PEX26: variants seen among roughly 807,000 people sequenced by gnomAD.
PEX26 encodes the protein peroxisome assembly protein 26.
Under a neutral mutation model 31.4 loss-of-function variants are expected in PEX26, and 18 were observed. The ratio of observed to expected loss-of-function variants is 0.57; its 90% confidence interval spans 0.40 to 0.85. The LOEUF is 0.85. Ranked by LOEUF, PEX26 falls within the 40% of genes least tolerant of loss-of-function variation. The pLI is 0.00. For synonymous variants in PEX26, 176 were observed against 166.9 expected, an observed-to-expected ratio of 1.05 and a Z score of -0.42; for missense variants, 377 against 383.9, an observed-to-expected ratio of 0.98 and a Z score of 0.15.
Position 18,103,532 on chromosome 22 carries a change from A to G in PEX26, c.*15457A>G, listed in dbSNP as rs1024200654. ...TAATACTTGTCCACAAAATTTCTCT[A>G]TAATAACCGGAACATGTCATCCATG... On this transcript the variant is annotated 3_prime_UTR_variant, in exon 5 of 5. Transcript: ENST00000399744. 3 of 152,202 alleles carry G rather than the reference A, an allele frequency of 2.0e-5. 1 individual carries two copies. Among genetic ancestry groups the G allele is most frequent in the African/African-American group, 4.8e-5 (2 of 41,424 alleles). The allele number at this position is 152,202 out of a possible 1,614,324, so 9.4% of individuals were successfully genotyped here.
At chr22:18,087,720 G>A (rs999388545) in intron 4 of PEX26, among the ~76,000 whole-genome samples, 3 of 152,226 alleles carry the variant, frequency 2.0e-5, no homozygotes, top group African/African-American at 4.8e-5. Context: ...TCATTGGAGT[G>A]ATGATGGTGG....
At position 18,094,805 on chromosome 22, in the gene PEX26, A is replaced by C. The variant is rs1171508139; in HGVS notation, c.*6730A>C. ...TTTCTTCTTTTTTTTTTTGAGATGGAATCTTGCTCTTGTCACCTAGGCTGG... is the reference window on the plus strand; with the variant it reads ...TTTCTTCTTTTTTTTTTTGAGATGGCATCTTGCTCTTGTCACCTAGGCTGG... On this transcript the variant is annotated 3_prime_UTR_variant, in exon 5 of 5. Transcript: ENST00000399744. 4 of 139,454 alleles carry C rather than the reference A, an allele frequency of 2.9e-5. No homozygotes were observed. The highest frequency in any genetic ancestry group is 4.6e-5 in the Non-Finnish European group (3 of 65,308). 8.6% of individuals were successfully genotyped at this position (139,454 alleles called of 1,614,324 possible).
At chr22:18,080,486 C>T (rs149928457) in intron 2 of PEX26, among the ~76,000 whole-genome samples, 2 of 152,076 alleles carry the variant, frequency 1.3e-5, no homozygotes, top group Non-Finnish European at 2.9e-5. Context: ...CCTGCCACCA[C>T]GCCCGGCTAA....
rs1419370284 is a variant in PEX26 at position 18,078,414 on chromosome 22, G to T, written c.38G>T (p.Arg13Met). The T allele has an allele frequency of 1.9e-6, 3 of 1,593,148 alleles. No individual in the cohort carries two copies. In the Admixed American group the frequency reaches 5.3e-5, roughly 28 times the overall value. ...TCTTCGACCTCTGCAGCCCCCCTCA[G>T]GGGGCTCGGGGGACCCCTGCGCAGC... is the stretch of plus-strand genomic sequence containing the variant. Reference protein sequence around the residue: ...SDSSTSAAPLRGLGGPLRSSE... With the variant: ...SDSSTSAAPLMGLGGPLRSSE... Residue 13 changes from arginine (R) to methionine (M), a missense_variant, in exon 1 of 5, where the codon AGG becomes ATG. Coordinates refer to ENST00000399744, the MANE Select transcript of PEX26 (RefSeq NM_001127649.3).
Position 18,104,015 on chromosome 22 carries a change from T to C in PEX26, c.*15940T>C, listed in dbSNP as rs529820082. 6.6e-6 allele frequency: 1 copy of C among 152,246 alleles called. No homozygotes were observed. Among genetic ancestry groups the C allele is most frequent in the Admixed American group, 6.6e-5 (1 of 15,262 alleles). The allele number at this position is 152,246 out of a possible 1,614,324, so 9.4% of individuals were successfully genotyped here. On this transcript the variant is annotated 3_prime_UTR_variant, in exon 5 of 5. Coordinates refer to ENST00000399744, the MANE Select transcript of PEX26 (RefSeq NM_001127649.3). ...ACTGCCAGGACGTGGTCCAGAAAGA[T>C]TGGGTACTTTGCAATACTCATAGCA...
At position 18,092,449 on chromosome 22, in the gene PEX26, G is replaced by A. The variant is rs1018993215; in HGVS notation, c.*4374G>A. Reference sequence around the variant, plus strand: ...CTGCATTCCTCCAGCGGTGGTGTACGGATCCAGACATTGTTTGCCACCTCT... The same window carrying A: ...CTGCATTCCTCCAGCGGTGGTGTACAGATCCAGACATTGTTTGCCACCTCT... On this transcript the variant is annotated 3_prime_UTR_variant, in exon 5 of 5. Coordinates refer to ENST00000399744, the MANE Select transcript of PEX26 (RefSeq NM_001127649.3). 2.0e-5 allele frequency: 3 copies of A among 152,230 alleles called. No homozygotes were observed. The highest frequency in any genetic ancestry group is 6.5e-5 in the Admixed American group (1 of 15,280). The allele number at this position is 152,230 out of a possible 1,614,324, so 9.4% of individuals were successfully genotyped here. A position where few individuals can be genotyped will look rare whatever the true frequency, so the allele number is the denominator to read the frequency against.
In PEX26 at chr22:18,099,048, T is replaced by C. The variant is rs894854937; in HGVS notation, c.*10973T>C. 2.0e-5 allele frequency: 3 copies of C among 152,166 alleles called. No individual in the cohort carries two copies. Among genetic ancestry groups the C allele is most frequent in the Admixed American group, 2.0e-4 (3 of 15,272 alleles). The allele number at this position is 152,166 out of a possible 1,614,324, so 9.4% of individuals were successfully genotyped here. The stretch of plus-strand genomic sequence containing the variant: ...AATGACATGCTGTCTGCCTTACCTT[T>C]TAGTGATGATTTGTAGGAAGAGGAA... On this transcript the variant is annotated 3_prime_UTR_variant, in exon 5 of 5. Transcript: ENST00000399744.
Position 18,078,077 on chromosome 22 carries a change from G to A in PEX26, c.-300G>A. 2 of 570,146 alleles carry A rather than the reference G, an allele frequency of 3.5e-6. No individual in the cohort carries two copies. Among genetic ancestry groups the A allele is most frequent in the South Asian group, 1.5e-5 (1 of 65,612 alleles). The allele number at this position is 570,146 out of a possible 1,614,324, so 35.3% of individuals were successfully genotyped here. On this transcript the variant is annotated 5_prime_UTR_variant, in exon 1 of 5. Coordinates refer to ENST00000399744, the MANE Select transcript of PEX26 (RefSeq NM_001127649.3). ...GTCTTTGATCGTAACCAGGAGCCCG[G>A]AGCTGAGGCAGTTCCTGCACGTGTC...
At chr22:18,084,237 C>CTCTTTTTTTTTTTTTTTTT (rs1556589212) in intron 3 of PEX26, among the ~76,000 whole-genome samples, 1 of 95,320 alleles carries the variant, frequency 1.0e-5, no homozygotes, top group Non-Finnish European at 2.1e-5. Context: ...ATCTCTCTCT[C>CTCTTTTTTTTTTTTTTTTT]TTTTTTTTTT....
chr22:18,087,223 C>T lies in PEX26; in HGVS notation c.815-749C>T, dbSNP rs182734915. Among the ~76,000 whole-genome samples, 28 of 152,308 alleles carry T rather than the reference C, an allele frequency of 1.8e-4. No homozygotes were observed. The East Asian group carries it at 4.8e-3, about 26-fold the overall frequency. ...CCAAGTAGCTGGGATTACAGGCACA[C>T]ACCACCATGCCAGGCTACATTTTGT... On this transcript the variant is annotated intron_variant, in intron 4 of 4. Coordinates refer to ENST00000399744, the MANE Select transcript of PEX26 (RefSeq NM_001127649.3).
rs1256569587 is a variant in PEX26 at position 18,078,600 on chromosome 22, C to A, written c.224C>A (p.Ala75Glu). ...LANHAVAEEP[A>E]GTSLEVKCSL... ...AACCACGCCGTGGCAGAGGAACCCG[C>A]GGGCACGTACGTGCTGGGCTCGGAA... Residue 75 changes from alanine (A) to glutamate (E), a missense_variant, in exon 1 of 5, where the codon GCG becomes GAG. Physicochemically the swap from Ala to Glu is moderately radical, Grantham distance 107. Coordinates refer to ENST00000399744, the MANE Select transcript of PEX26 (RefSeq NM_001127649.3). 2 of 1,598,984 alleles carry A rather than the reference C, an allele frequency of 1.3e-6. No individual in the cohort carries two copies. Among genetic ancestry groups the A allele is most frequent in the Admixed American group, 3.4e-5 (2 of 58,738 alleles).
In PEX26 at chr22:18,096,020, A is replaced by C. The variant is rs1345875630; in HGVS notation, c.*7945A>C. Reference sequence around the variant, plus strand: ...GAATTTTTAGTAGAGACGGGGTTTTACCATGTTGGCCAGGCTGGTCTTGAA... The same window carrying C: ...GAATTTTTAGTAGAGACGGGGTTTTCCCATGTTGGCCAGGCTGGTCTTGAA... On this transcript the variant is annotated 3_prime_UTR_variant, in exon 5 of 5. Coordinates refer to ENST00000399744, the MANE Select transcript of PEX26 (RefSeq NM_001127649.3). The C allele has an allele frequency of 6.6e-6, 1 of 152,166 alleles. No individual in the cohort carries two copies. Among genetic ancestry groups the C allele is most frequent in the Non-Finnish European group, 1.5e-5 (1 of 68,044 alleles). 9.4% of individuals were successfully genotyped at this position (152,166 alleles called of 1,614,324 possible).
intron 2 of PEX26, among the ~76,000 whole-genome samples, chr22:18,080,565 C>T (rs1485826645): frequency 6.6e-6 from 1 of 152,106 alleles, no homozygotes; most frequent in African/African-American, 2.4e-5. Flanking sequence ...CTCCTGACCT[C>T]GTGATCCACC....
intron 3 of PEX26, among the ~76,000 whole-genome samples, chr22:18,084,804 C>G (rs1223112933): frequency 6.6e-6 from 1 of 151,628 alleles, no homozygotes; most frequent in African/African-American, 2.4e-5. Flanking sequence ...CTCACTGCAG[C>G]CTCCACCTCC....
rs1349249701 is a variant in PEX26 at position 18,091,343 on chromosome 22, C to T, written c.*3268C>T. On this transcript the variant is annotated 3_prime_UTR_variant, in exon 5 of 5. Coordinates refer to ENST00000399744, the MANE Select transcript of PEX26 (RefSeq NM_001127649.3). Reference sequence around the variant, plus strand: ...GTGCCACGTTTAAAAAGAAAAAAAACAATTCTCGGCTGGGCGCGGTGGCGC... The same window carrying T: ...GTGCCACGTTTAAAAAGAAAAAAAATAATTCTCGGCTGGGCGCGGTGGCGC... 6.6e-6 allele frequency: 1 copy of T among 152,220 alleles called. No individual in the cohort carries two copies. Among genetic ancestry groups the T allele is most frequent in the Non-Finnish European group, 1.5e-5 (1 of 68,044 alleles). The allele number at this position is 152,220 out of a possible 1,614,324, so 9.4% of individuals were successfully genotyped here.
rs767264486 is a variant in PEX26, at chr22:18,078,082, G to A, written c.-295G>A. 1.1e-4 allele frequency: 62 copies of A among 581,046 alleles called. No homozygotes were observed. Among genetic ancestry groups the A allele is most frequent in the Non-Finnish European group, 8.4e-5 (26 of 308,290 alleles). The allele number at this position is 581,046 out of a possible 1,614,324, so 36.0% of individuals were successfully genotyped here. ...TGATCGTAACCAGGAGCCCGGAGCT[G>A]AGGCAGTTCCTGCACGTGTCGCGGG... On this transcript the variant is annotated 5_prime_UTR_variant, in exon 1 of 5. Transcript: ENST00000399744.
Position 18,096,713 on chromosome 22 carries a change from C to G in PEX26, c.*8638C>G, listed in dbSNP as rs189807609. On this transcript the variant is annotated 3_prime_UTR_variant, in exon 5 of 5. Coordinates refer to ENST00000399744, the MANE Select transcript of PEX26 (RefSeq NM_001127649.3). ...GATTACAGGCGTGAGCCACCACGCC[C>G]GGCCGGCTCTGATTTCTTAAAGTGC... is the stretch of plus-strand genomic sequence containing the variant. The G allele has an allele frequency of 6.6e-6, 1 of 152,180 alleles. No individual in the cohort carries two copies. Among genetic ancestry groups the G allele is most frequent in the Non-Finnish European group, 1.5e-5 (1 of 68,076 alleles). The allele number at this position is 152,180 out of a possible 1,614,324, so 9.4% of individuals were successfully genotyped here.
intron 4 of PEX26, among the ~76,000 whole-genome samples, chr22:18,085,903 G>T (rs1397271975): frequency 6.6e-6 from 1 of 151,964 alleles, no homozygotes; most frequent in East Asian, 1.9e-4. Context: ...AAAAACTTCC[G>T]CTCATCAGAA....
rs555150723 is a variant in PEX26, at chr22:18,091,480, A to G, written c.*3405A>G. 1 of 56 alleles carries G rather than the reference A, an allele frequency of 0.018. No individual in the cohort carries two copies. The highest frequency in any genetic ancestry group is 0.071 in the African/African-American group (1 of 14). 0.0% of individuals were successfully genotyped at this position (56 alleles called of 1,614,324 possible). A position where few individuals can be genotyped will look rare whatever the true frequency, so the allele number is the denominator to read the frequency against. On this transcript the variant is annotated 3_prime_UTR_variant, in exon 5 of 5. Coordinates refer to ENST00000399744, the MANE Select transcript of PEX26 (RefSeq NM_001127649.3). Reference sequence around the variant, plus strand: ...AAACCCCATCTCTACTAAAAATACAAAAAAAAAATGAGCCGGGCATGGTGG... The same window carrying G: ...AAACCCCATCTCTACTAAAAATACAGAAAAAAAATGAGCCGGGCATGGTGG...
Sources: allele counts gnomAD v4.1 joint callset (sites outside exome capture counted in the v4.1 genomes callset), GRCh38; gene constraint gnomAD v4.1.1; transcripts MANE v1.5; gene names NCBI Gene and HGNC (gene_info 2026-07-23, HGNC 2026-07-21).